HP1BP3: variants seen among roughly 807,000 people sequenced by gnomAD.
HP1BP3 encodes the protein heterochromatin protein 1-binding protein 3.
A neutral mutation model predicts 62.5 loss-of-function variants in HP1BP3; 12 were observed. The observed-to-expected ratio is 0.19, with a 90% confidence interval of 0.12 to 0.31. The LOEUF is 0.31. Among genes scored for constraint, HP1BP3 ranks in the 10% least tolerant of loss-of-function variants. The pLI is 1.00. For synonymous variants in HP1BP3, 260 were observed against 237.8 expected (o/e 1.09, Z -0.86); for missense variants, 502 against 651.8 (o/e 0.77, Z 2.50).
intron 8 of HP1BP3, among the ~76,000 whole-genome samples, chr1:20,761,515 G>T (rs994374016): frequency 7.6e-6 from 1 of 131,158 alleles, no homozygotes; most frequent in East Asian, 2.3e-4. Flanking sequence ...GGGATTTTTG[G>T]GGGGAGAGGG....
chr1:20,745,208 T>C (rs1031921072), intron 12 of HP1BP3, 117 bp from the exon 13 acceptor site: 24 of 1,187,394 alleles, frequency 2.0e-5, no homozygotes, highest in Middle Eastern at 3.0e-4. Flanking sequence ...ACGTTAAGAA[T>C]AGGAATGTGA....
chr1:20,766,232 AGAGATCC>A (rs1252761859), intron 7 of HP1BP3, among the ~76,000 whole-genome samples: 1 of 152,208 alleles, frequency 6.6e-6, no homozygotes, highest in African/African-American at 2.4e-5. Flanking sequence ...CGGAGGTTGC[AGAGATCC>A]GAGATTGCAT....
chr1:20,750,699 A>T (rs184091534), intron 9 of HP1BP3, among the ~76,000 whole-genome samples: 1 of 152,138 alleles, frequency 6.6e-6, no homozygotes, highest in African/African-American at 2.4e-5. Context: ...CGCCACCCCA[A>T]GACAGCAAGA....
chr1:20,777,632 G>A (rs1406612292), intron 3 of HP1BP3, among the ~76,000 whole-genome samples: 1 of 151,948 alleles, frequency 6.6e-6, no homozygotes, highest in African/African-American at 2.4e-5. Flanking sequence ...CTGATTTTTT[G>A]TATTTTTAGT....
chr1:20,764,403 G>C (rs191887534), intron 8 of HP1BP3, among the ~76,000 whole-genome samples: 13 of 151,678 alleles, frequency 8.6e-5, no homozygotes, highest in African/African-American at 2.9e-4. Flanking sequence ...GAGTGCAATG[G>C]CGCAATCTCG....
chr1:20,777,445 A>G (rs1048494164), intron 3 of HP1BP3, among the ~76,000 whole-genome samples: 3 of 152,044 alleles, frequency 2.0e-5, no homozygotes, highest in Non-Finnish European at 4.4e-5. Flanking sequence ...TCCCATAAAG[A>G]GAATTTTATT....
At chr1:20,763,749 G>GT (rs1225065420) in intron 8 of HP1BP3, among the ~76,000 whole-genome samples, 15 of 152,082 alleles carry the variant, frequency 9.9e-5, no homozygotes, top group Admixed American at 3.9e-4. Context: ...CAAATTTTAC[G>GT]TATCAATTAC....
intron 1 of HP1BP3, among the ~76,000 whole-genome samples, chr1:20,784,071 G>T (rs933944297): frequency 1.3e-5 from 2 of 152,128 alleles, no homozygotes; most frequent in African/African-American, 4.8e-5. Context: ...CCAGGCTCAA[G>T]CGACTCTCCC....
chr1:20,770,820 C>A, intron 6 of HP1BP3, 110 bp downstream of exon 6: 1 of 808,896 alleles, frequency 1.2e-6, no homozygotes, highest in Non-Finnish European at 1.8e-6. Context: ...ATTTCATCAT[C>A]ATGAAACTTA....
rs746283604 is a variant in HP1BP3, at chr1:20,745,108, G to A, written c.1368-17C>T. ...TTCTGCAACCTGTGAGAACCAAAGA[G>A]CAAAGGCCGTCATTTAGTACTTAAG... On this transcript the variant is annotated splice_polypyrimidine_tract_variant and intron_variant, in intron 12 of 12. Coordinates refer to ENST00000438032, the MANE Select transcript of HP1BP3 (RefSeq NM_001372052.1). The A allele has an allele frequency of 4.4e-6, 7 of 1,589,638 alleles. No individual in the cohort carries two copies. The East Asian group carries it at 1.6e-4, about 36-fold the overall frequency.
Position 20,758,592 on chromosome 1 carries a change from C to T in HP1BP3, c.891-1336G>A, listed in dbSNP as rs150869343. 2.1e-3 allele frequency among the ~76,000 whole-genome samples: 322 copies of T among 151,824 alleles called. 1 individual carries two copies. The highest frequency in any genetic ancestry group is 7.1e-3 in the African/African-American group (293 of 41,374). ...TGATCTTCCGACCTCATGATCTGCC[C>T]GCCTCAGCCTCCCAAAGTGCTGGGA... On this transcript the variant is annotated intron_variant, in intron 8 of 12. Transcript: ENST00000438032.
intron 9 of HP1BP3, among the ~76,000 whole-genome samples, chr1:20,752,965 G>A (rs1417963209): frequency 2.0e-5 from 3 of 150,692 alleles, no homozygotes; most frequent in East Asian, 2.0e-4. Flanking sequence ...TTTTTGAGAC[G>A]GAGTCTCATT....
chr1:20,753,280 A>G (rs1382477998), intron 9 of HP1BP3, among the ~76,000 whole-genome samples: 1 of 152,192 alleles, frequency 6.6e-6, no homozygotes, highest in African/African-American at 2.4e-5. Flanking sequence ...CTGACAGCTA[A>G]CCTATCATTA....
At chr1:20,745,263 C>A (rs188489422) in intron 12 of HP1BP3, among the ~76,000 whole-genome samples, 172 bp from the exon 13 acceptor site, 8 of 152,268 alleles carry the variant, frequency 5.3e-5, no homozygotes, top group Non-Finnish European at 8.8e-5. Flanking sequence ...AAAAATTCAA[C>A]CAATTCATGA....
chr1:20,776,526 T>A, intron 4 of HP1BP3, 71 bp downstream of exon 4: 1 of 1,379,520 alleles, frequency 7.2e-7, no homozygotes, highest in Non-Finnish European at 1.0e-6. Context: ...TATAACACTT[T>A]AAAACAATCT....
intron 7 of HP1BP3, among the ~76,000 whole-genome samples, chr1:20,766,873 G>T (rs997228567): frequency 2.6e-5 from 4 of 152,190 alleles, no homozygotes; most frequent in East Asian, 1.9e-4. Flanking sequence ...AATCCGGGAA[G>T]CAGAGGTTGC....
chr1:20,776,838 C>A lies in HP1BP3; in HGVS notation c.197-88G>T, dbSNP rs1035812857. ...TAAAAGCTTATCTTATTAAACGGAC[C>A]AGCCAAAGTCTCCAATTAACAAATG... On this transcript the variant is annotated intron_variant, in intron 3 of 12. Coordinates refer to ENST00000438032, the MANE Select transcript of HP1BP3 (RefSeq NM_001372052.1). 1.1e-5 allele frequency: 12 copies of A among 1,089,156 alleles called. No homozygotes were observed. The African/African-American group carries it at 1.8e-4, about 16-fold the overall frequency. 67.5% of individuals were successfully genotyped at this position (1,089,156 alleles called of 1,614,324 possible).
rs1557630206 is a variant in HP1BP3, at chr1:20,744,740, T to C, written c.*57A>G. On this transcript the variant is annotated 3_prime_UTR_variant, in exon 13 of 13. Coordinates refer to ENST00000438032, the MANE Select transcript of HP1BP3 (RefSeq NM_001372052.1). Reference sequence around the variant, plus strand: ...GCATCAAAACTAAACAAATGCACACTGACCTTAGAAAATAAGATTTTGAAT... The same window carrying C: ...GCATCAAAACTAAACAAATGCACACCGACCTTAGAAAATAAGATTTTGAAT... 3 of 1,447,610 alleles carry C rather than the reference T, an allele frequency of 2.1e-6. No homozygotes were observed. Among genetic ancestry groups the C allele is most frequent in the Middle Eastern group, 2.5e-4 (1 of 3,974 alleles). 89.7% of individuals were successfully genotyped at this position (1,447,610 alleles called of 1,614,324 possible). A position where few individuals can be genotyped will look rare whatever the true frequency, so the allele number is the denominator to read the frequency against.
At chr1:20,771,225 T>C (rs1352725017) in intron 5 of HP1BP3, 152 bp from the exon 6 acceptor site, 1 of 615,068 alleles carries the variant, frequency 1.6e-6, no homozygotes, top group Non-Finnish European at 2.8e-6. Context: ...TCATAATGAC[T>C]ACAGAGAAGT....
Sources: gnomAD v4.1 joint callset for allele counts (sites outside exome capture counted in the v4.1 genomes callset) on GRCh38, gnomAD v4.1.1 for gene constraint, MANE v1.5 for transcripts, NCBI Gene and HGNC (gene_info 2026-07-23, HGNC 2026-07-21) for gene names.